Variants in ADRA1A observed in about 807,000 individuals in gnomAD.
The protein encoded by ADRA1A is adrenoceptor alpha 1A, also known as alpha-1A adrenergic receptor.
A neutral mutation model predicts 29.6 loss-of-function variants in ADRA1A; 31 were observed. That is an observed-to-expected ratio of 1.05 (90% CI 0.79 to 1.41). ADRA1A has a LOEUF of 1.41. ADRA1A is among the 40% of genes most tolerant of loss of function. The pLI, the probability that ADRA1A is intolerant of heterozygous loss-of-function variation, is 0.00. For synonymous variants in ADRA1A, 311 were observed against 254.3 expected, an observed-to-expected ratio of 1.22 and a Z score of -2.12; for missense variants, 619 against 601.1, an observed-to-expected ratio of 1.03 and a Z score of -0.31.
intron 2 of ADRA1A, chr8:26,756,973 A>C: frequency 2.4e-6 from 2 of 819,324 alleles, no homozygotes; most frequent in Non-Finnish European, 4.0e-6. Flanking sequence ...TCATTTCCTC[A>C]TTAGCCAGGC....
chr8:26,833,892 G>A (rs1433067119), intron 2 of ADRA1A, among the ~76,000 whole-genome samples: 1 of 152,128 alleles, frequency 6.6e-6, no homozygotes, highest in Non-Finnish European at 1.5e-5. Context: ...CATTGTTCTG[G>A]AAATAATAGT....
In ADRA1A at chr8:26,866,354, C is replaced by G. The variant is rs1401069666; in HGVS notation, c.-687+582G>C. 1.3e-5 allele frequency among the ~76,000 whole-genome samples: 2 copies of G among 152,220 alleles called. No individual in the cohort carries two copies. Among genetic ancestry groups the G allele is most frequent in the African/African-American group, 2.4e-5 (1 of 41,468 alleles). On this transcript the variant is annotated intron_variant, in intron 1 of 2. Transcript: ENST00000380573. The surrounding 1 kb of genome is among the most constrained non-coding windows in gnomAD (Gnocchi z 5.7). ...CACCCGAGGGGCTCCAGCTGCCAGC[C>G]GTAGCGGGACTGGCGGGGGACGGGG...
intron 2 of ADRA1A, among the ~76,000 whole-genome samples, chr8:26,834,856 T>C (rs954187073): frequency 4.6e-5 from 7 of 152,208 alleles, no homozygotes; most frequent in African/African-American, 1.2e-4. Context: ...ACATACAGAC[T>C]TCTATTTTAA....
intron 2 of ADRA1A, among the ~76,000 whole-genome samples, chr8:26,833,525 G>T (rs535987388): frequency 2.0e-5 from 3 of 152,198 alleles, no homozygotes; most frequent in South Asian, 4.1e-4. Flanking sequence ...TCAGGCAACT[G>T]CTCTGACCCA....
At chr8:26,774,266 A>G (rs1163046755) in intron 2 of ADRA1A, among the ~76,000 whole-genome samples, 1 of 152,208 alleles carries the variant, frequency 6.6e-6, no homozygotes, top group Admixed American at 6.5e-5. Flanking sequence ...GTGATGGGGA[A>G]CAGGTGCTGG....
rs1201881915 is a variant in ADRA1A, at chr8:26,867,265, C to T, written c.-1016G>A. ...GAATAGCAAGGAACTTTGCAGCTCT[C>T]GCTGACGTAACTCAGGCAGTAGCCC... On this transcript the variant is annotated 5_prime_UTR_variant, in exon 1 of 3. Coordinates refer to ENST00000380573, the MANE Select transcript of ADRA1A (RefSeq NM_000680.4). 1.0e-6 allele frequency: 1 copy of T among 985,490 alleles called. No homozygotes were observed. Among genetic ancestry groups the T allele is most frequent in the South Asian group, 4.7e-5 (1 of 21,292 alleles). 61.0% of individuals were successfully genotyped at this position (985,490 alleles called of 1,614,324 possible). A position where few individuals can be genotyped will look rare whatever the true frequency, so the allele number is the denominator to read the frequency against.
At chr8:26,855,378 T>C (rs497883) in intron 2 of ADRA1A, among the ~76,000 whole-genome samples, 44,712 of 150,842 alleles carry the variant, frequency 0.3, 6,997 homozygotes, top group East Asian at 0.48. Flanking sequence ...AAATAAGTAA[T>C]TATTTATCTT....
chr8:26,851,470 A>C (rs1207276593), intron 2 of ADRA1A, among the ~76,000 whole-genome samples: 1 of 152,188 alleles, frequency 6.6e-6, no homozygotes, highest in Non-Finnish European at 1.5e-5. Flanking sequence ...CAAAAATCAC[A>C]CCAAATAATC....
rs189768866 is a variant in ADRA1A, at chr8:26,787,613, A to G, written c.884-16947T>C. 9.1e-4 allele frequency among the ~76,000 whole-genome samples: 138 copies of G among 152,114 alleles called. 1 individual carries two copies. Among genetic ancestry groups the G allele is most frequent in the South Asian group, 2.9e-3 (14 of 4,792 alleles). ...AAAAGTGAAGGAGAGATGATAACAG[A>G]AATAGTTACCATCTCGTGTGCTGCA... On this transcript the variant is annotated intron_variant, in intron 2 of 2. Transcript: ENST00000380573. This position sits in a 1 kb window ranked among gnomAD's most constrained non-coding sequence, Gnocchi z 4.2.
intron 2 of ADRA1A, among the ~76,000 whole-genome samples, chr8:26,771,377 C>G (rs1235613381): frequency 2.0e-5 from 3 of 152,212 alleles, no homozygotes; most frequent in Admixed American, 2.0e-4. Context: ...TATTTTTTCT[C>G]TAGCCAGACT....
rs1456978697 is a variant in ADRA1A, at chr8:26,796,223, G to T, written c.884-25557C>A. Among the ~76,000 whole-genome samples the T allele has an allele frequency of 6.6e-6, 1 of 151,994 alleles. No homozygotes were observed. The highest frequency in any genetic ancestry group is 2.4e-5 in the African/African-American group (1 of 41,396). ...TTACAATTATTAAAATTGGGTTATA[G>T]GTACATCAGCTTCATTACATGATTG... On this transcript the variant is annotated intron_variant, in intron 2 of 2. Transcript: ENST00000380573. This position sits in a 1 kb window ranked among gnomAD's most constrained non-coding sequence, Gnocchi z 5.0.
rs189857779 is a variant in ADRA1A, at chr8:26,805,752, A to C, written c.884-35086T>G. On this transcript the variant is annotated intron_variant, in intron 2 of 2. Transcript: ENST00000380573. This position sits in a 1 kb window ranked among gnomAD's most constrained non-coding sequence, Gnocchi z 4.8. The stretch of plus-strand genomic sequence containing the variant: ...TTGTGTTGCTTCTACCTGGTACAAG[A>C]ATCTTGATGAGCCAAGAGTTACTGG... 5.8e-4 allele frequency among the ~76,000 whole-genome samples: 89 copies of C among 152,288 alleles called. No homozygotes were observed. Among genetic ancestry groups the C allele is most frequent in the Non-Finnish European group, 9.4e-4 (64 of 68,030 alleles).
intron 2 of ADRA1A, among the ~76,000 whole-genome samples, chr8:26,781,222 G>A (rs938446213): frequency 1.3e-5 from 2 of 152,140 alleles, no homozygotes; most frequent in South Asian, 2.1e-4. Context: ...TGAAGGAAGA[G>A]CTTCCTGTCT....
rs1438728738 is a variant in ADRA1A at position 26,823,295 on chromosome 8, G to A, written c.883+40792C>T. ...TCTGCCTTCCACACTGTCACGTGCT[G>A]GGGGCTGGGCATGGGCGGTGACTTC... On this transcript the variant is annotated intron_variant, in intron 2 of 2. Coordinates refer to ENST00000380573, the MANE Select transcript of ADRA1A (RefSeq NM_000680.4). This position sits in a 1 kb window ranked among gnomAD's most constrained non-coding sequence, Gnocchi z 4.2. 1.3e-5 allele frequency among the ~76,000 whole-genome samples: 2 copies of A among 152,092 alleles called. No homozygotes were observed. The highest frequency in any genetic ancestry group is 4.8e-5 in the African/African-American group (2 of 41,384).
chr8:26,768,872 C>T lies in ADRA1A; in HGVS notation c.*1277G>A, dbSNP rs7841250. The T allele has an allele frequency of 8.0e-4, 788 of 985,264 alleles. 5 individuals are homozygous for T. In the African/African-American group the frequency reaches 0.013, roughly 16 times the overall value. The allele number at this position is 985,264 out of a possible 1,614,324, so 61.0% of individuals were successfully genotyped here. On this transcript the variant is annotated 3_prime_UTR_variant, in exon 3 of 3. Transcript: ENST00000380573. The stretch of plus-strand genomic sequence containing the variant: ...ATAAAGCAAAATATAGCATGTTCCC[C>T]AAGCTCTTGCAGAAAAGTAGGAATA...
chr8:26,857,682 A>G (rs1813150348), intron 2 of ADRA1A, among the ~76,000 whole-genome samples: 1 of 152,128 alleles, frequency 6.6e-6, no homozygotes, highest in African/African-American at 2.4e-5. Context: ...ATAAAATAAA[A>G]TAAATCCTAA....
At chr8:26,766,202 C>A, downstream of ADRA1A, 1 of 1,180,416 alleles carries the variant, frequency 8.5e-7, no homozygotes, top group Non-Finnish European at 1.3e-6. Context: ...TGAGTTATGT[C>A]GTATTTGCTT....
chr8:26,827,967 C>T (rs370269761), intron 2 of ADRA1A, among the ~76,000 whole-genome samples: 2 of 152,144 alleles, frequency 1.3e-5, no homozygotes, highest in Admixed American at 1.3e-4. Flanking sequence ...GATCATGGCT[C>T]ACTGCCCCCT....
At chr8:26,767,089 A>G (rs10089254), downstream of ADRA1A, among the ~76,000 whole-genome samples, 82,005 of 151,902 alleles carry the variant, frequency 0.54, 23,828 homozygotes, top group East Asian at 0.9. Context: ...AGGGTCTCTC[A>G]TAATGCATGC....
Sources: allele counts gnomAD v4.1 joint callset (sites outside exome capture counted in the v4.1 genomes callset), GRCh38; gene constraint gnomAD v4.1.1; non-coding constraint Gnocchi (gnomAD v3.1); transcripts MANE v1.5; gene names NCBI Gene and HGNC (gene_info 2026-07-23, HGNC 2026-07-21).